The following TMEM268 variants were observed in gnomAD, a reference collection of about 807,000 sequenced individuals.
TMEM268 encodes transmembrane protein 268, also known as transmembrane protein C9orf91.
In TMEM268, 24 loss-of-function variants were observed where a neutral mutation model predicts 39.1. The observed-to-expected ratio is 0.61, with a 90% CI of 0.44 to 0.86. The LOEUF is 0.86. TMEM268 is among the 40% of genes least tolerant of loss of function. The probability of loss-of-function intolerance (pLI) is 0.00; values close to 1 mark genes in which losing one functional copy is unlikely to be tolerated. For synonymous variants in TMEM268, 176 were observed against 173.5 expected, an observed-to-expected ratio of 1.01 and a Z score of -0.12; for missense variants, 409 against 428.6, an observed-to-expected ratio of 0.95 and a Z score of 0.40.
intron 3 of TMEM268, among the ~76,000 whole-genome samples, chr9:114,625,596 C>A (rs927057533): frequency 1.3e-5 from 2 of 151,498 alleles, no homozygotes; most frequent in African/African-American, 2.4e-5. Context: ...AAGCATGCAC[C>A]ACGGCTGGCT....
upstream of TMEM268, among the ~76,000 whole-genome samples, chr9:114,606,646 T>C (rs962528994): frequency 1.2e-4 from 19 of 152,216 alleles, no homozygotes. Flanking sequence ...TCATTTCTAT[T>C]TTGCAGATTA....
chr9:114,614,892 CTT>C (rs57020988), intron 1 of TMEM268, among the ~76,000 whole-genome samples: 9 of 129,222 alleles, frequency 7.0e-5, no homozygotes, highest in South Asian at 2.5e-4. Context: ...GTGTCACTGC[CTT>C]TTTTTTTTTT....
the TMEM268 span, among the ~76,000 whole-genome samples, chr9:114,605,157 C>T: frequency 5.3e-5 from 8 of 152,280 alleles, no homozygotes; most frequent in South Asian, 2.1e-4. Flanking sequence ...AGAAAAGAAA[C>T]GCTTTGATCA....
intron 2 of TMEM268, chr9:114,622,346 A>G (rs1008415141): frequency 1.0e-5 from 10 of 985,256 alleles, no homozygotes; most frequent in African/African-American, 3.5e-5. Flanking sequence ...TCAGCAGTGC[A>G]TGGCTGAAAC....
At chr9:114,624,077 G>T (rs1404182133) in intron 2 of TMEM268, 7 of 316,766 alleles carry the variant, frequency 2.2e-5, no homozygotes, top group Non-Finnish European at 3.7e-5. Context: ...TATTTTTTAT[G>T]GGGACAGCTT....
chr9:114,645,377 T>A lies in TMEM268; in HGVS notation c.*2064T>A, dbSNP rs1217994026. 6 of 152,314 alleles carry A rather than the reference T, an allele frequency of 3.9e-5. No individual in the cohort carries two copies. The highest frequency in any genetic ancestry group is 7.3e-5 in the Non-Finnish European group (5 of 68,042). 9.4% of individuals were successfully genotyped at this position (152,314 alleles called of 1,614,324 possible). On this transcript the variant is annotated 3_prime_UTR_variant, in exon 9 of 9. Coordinates refer to ENST00000288502, the MANE Select transcript of TMEM268 (RefSeq NM_153045.4). ...TCATTTCGCTTTTTAATAAAGTGGG[T>A]CTGGTGAACAAGAAATGTAATAAAC...
intron 1 of TMEM268, among the ~76,000 whole-genome samples, chr9:114,616,173 G>C (rs1225340994): frequency 6.7e-6 from 1 of 149,938 alleles, no homozygotes; most frequent in East Asian, 2.0e-4. Context: ...CCACCACCAC[G>C]CCTGGCTAAT....
At chr9:114,637,288 C>CTTTTTTTTTTTTTT in intron 7 of TMEM268, among the ~76,000 whole-genome samples, 1 of 127,336 alleles carries the variant, frequency 7.9e-6, no homozygotes, top group Non-Finnish European at 1.6e-5. Flanking sequence ...TATATTTCTT[C>CTTTTTTTTTTTTTT]TTTTTTTTTT....
chr9:114,626,016 A>G (rs1284180846), intron 3 of TMEM268, among the ~76,000 whole-genome samples: 1 of 145,646 alleles, frequency 6.9e-6, no homozygotes, highest in Non-Finnish European at 1.5e-5. Flanking sequence ...TAGCAGGAAC[A>G]GGGTTTCACC....
intron 8 of TMEM268, among the ~76,000 whole-genome samples, chr9:114,639,257 T>G (rs1307569631): frequency 6.6e-6 from 1 of 152,086 alleles, no homozygotes; most frequent in Non-Finnish European, 1.5e-5. Flanking sequence ...CACCTTAGTC[T>G]CCTGAGTAGT....
At position 114,643,271 on chromosome 9, in the gene TMEM268, C is replaced by G; in HGVS notation, c.987C>G (p.Ala329=). ...RIPCPCQLIE[A]YILGTGCCPF... is the part of the protein sequence containing the mutation. ...CATGCCCCTGCCAGCTCATAGAAGC[C>G]TACATCCTAGGCACAGGGTGCTGCC... Residue 329 remains alanine (A), a synonymous_variant, in exon 9 of 9, where the codon GCC becomes GCG. Coordinates refer to ENST00000288502, the MANE Select transcript of TMEM268 (RefSeq NM_153045.4). 1 of 1,614,174 alleles carries G rather than the reference C, an allele frequency of 6.2e-7. No homozygotes were observed. The highest frequency in any genetic ancestry group is 8.5e-7 in the Non-Finnish European group (1 of 1,180,024).
chr9:114,608,747 T>C (rs1406938156), upstream of TMEM268, among the ~76,000 whole-genome samples: 1 of 152,230 alleles, frequency 6.6e-6, no homozygotes, highest in African/African-American at 2.4e-5. Flanking sequence ...CTGGTGTGTA[T>C]TGTTCACTCT....
chr9:114,622,228 G>T (rs187132416), intron 2 of TMEM268: 13 of 985,404 alleles, frequency 1.3e-5, no homozygotes, highest in African/African-American at 3.5e-5. Flanking sequence ...CTAGACTGGG[G>T]TGACAGGAGT....
At chr9:114,609,783 AAGAG>A (rs373102359), upstream of TMEM268, among the ~76,000 whole-genome samples, 6 of 151,834 alleles carry the variant, frequency 4.0e-5, no homozygotes, top group African/African-American at 9.7e-5. Flanking sequence ...AAAAGAAACA[AAGAG>A]AGAAAGAAAT....
chr9:114,610,031 C>T (rs181111448), upstream of TMEM268, among the ~76,000 whole-genome samples: 1 of 150,408 alleles, frequency 6.6e-6, no homozygotes, highest in Non-Finnish European at 1.5e-5. Context: ...AAAATAATCG[C>T]GGTTTTTGCA....
At chr9:114,635,726 G>C (rs1846606695) in intron 6 of TMEM268, among the ~76,000 whole-genome samples, 1 of 152,138 alleles carries the variant, frequency 6.6e-6, no homozygotes, top group African/African-American at 2.4e-5. Context: ...GAGTCTTTCA[G>C]TTTCTAAATA....
chr9:114,624,296 A>C (rs928673070), intron 2 of TMEM268, 54 bp from the exon 3 acceptor site: 11 of 1,551,640 alleles, frequency 7.1e-6, no homozygotes, highest in Non-Finnish European at 9.6e-6. Context: ...GGCTCACCCC[A>C]CGAGCCTGGT....
At chr9:114,639,490 C>A (rs1245312925) in intron 8 of TMEM268, among the ~76,000 whole-genome samples, 1 of 152,096 alleles carries the variant, frequency 6.6e-6, no homozygotes, top group African/African-American at 2.4e-5. Context: ...TGGCTAAGCA[C>A]TGGCAGACCA....
intron 6 of TMEM268, 132 bp downstream of exon 6, chr9:114,634,010 C>G: frequency 2.0e-6 from 1 of 488,216 alleles, no homozygotes; most frequent in Non-Finnish European, 3.7e-6. Context: ...TGTTGGCAGC[C>G]CTTTCCTTCC....
Sources: gnomAD v4.1 joint callset for allele counts (sites outside exome capture counted in the v4.1 genomes callset) on GRCh38, gnomAD v4.1.1 for gene constraint, MANE v1.5 for transcripts, NCBI Gene and HGNC (gene_info 2026-07-23, HGNC 2026-07-21) for gene names.